The following CDK8 variants were observed in gnomAD, a reference collection of about 807,000 sequenced individuals.
CDK8 encodes the protein cyclin dependent kinase 8.
Under a neutral mutation model 71.5 loss-of-function variants are expected in CDK8, and 29 were observed. The observed-to-expected ratio is 0.41, with a 90% CI of 0.30 to 0.55. CDK8 has a LOEUF of 0.55. CDK8 is among the 20% of genes least tolerant of loss of function. The pLI is 0.37. For synonymous variants in CDK8, 161 were observed against 192.1 expected (o/e 0.84, Z 1.34); for missense variants, 288 against 572.6 (o/e 0.50, Z 5.07).
chr13:26,357,216 C>T (rs1330150706), intron 4 of CDK8, among the ~76,000 whole-genome samples: 3 of 152,078 alleles, frequency 2.0e-5, no homozygotes, highest in Non-Finnish European at 4.4e-5. Context: ...TAGCTGAAAT[C>T]CGGCATCCTT....
intron 1 of CDK8, among the ~76,000 whole-genome samples, chr13:26,310,805 A>G (rs997292183): frequency 3.3e-5 from 5 of 151,812 alleles, no homozygotes; most frequent in Admixed American, 1.3e-4. Flanking sequence ...CTCAGTTTCA[A>G]TTTTTTCTTC....
intron 1 of CDK8, among the ~76,000 whole-genome samples, chr13:26,301,619 T>C (rs1873827599): frequency 6.6e-6 from 1 of 152,224 alleles, no homozygotes; most frequent in South Asian, 2.1e-4. Flanking sequence ...CGTTAGAGCA[T>C]TAGTATCAAT....
intron 3 of CDK8, among the ~76,000 whole-genome samples, chr13:26,352,909 A>G (rs1873741712): frequency 1.3e-5 from 2 of 152,224 alleles, no homozygotes; most frequent in Non-Finnish European, 1.5e-5. Context: ...TTTCAAGAAC[A>G]TGCTTAATAT....
intron 4 of CDK8, among the ~76,000 whole-genome samples, chr13:26,377,656 A>C (rs996081572): frequency 2.0e-5 from 3 of 152,178 alleles, no homozygotes; most frequent in Non-Finnish European, 2.9e-5. Context: ...AGAGGTAAAA[A>C]ATTCATACCC....
chr13:26,309,815 T>A (rs548315296), intron 1 of CDK8, among the ~76,000 whole-genome samples: 1 of 152,248 alleles, frequency 6.6e-6, no homozygotes, highest in South Asian at 2.1e-4. Context: ...TGAGACAGAG[T>A]CTCGCTCTGT....
At chr13:26,305,086 C>T (rs558060516) in intron 1 of CDK8, among the ~76,000 whole-genome samples, 2 of 152,296 alleles carry the variant, frequency 1.3e-5, no homozygotes, top group African/African-American at 2.4e-5. Context: ...CCTGCATTAT[C>T]ATGCTTCCTT....
At chr13:26,361,784 CTTTTTTTTTTT>C (rs553508554) in intron 4 of CDK8, among the ~76,000 whole-genome samples, 12 of 63,344 alleles carry the variant, frequency 1.9e-4, no homozygotes, top group Admixed American at 1.0e-3. Context: ...TTTCTTTTCC[CTTTTTTTTTTT>C]TTTTTTTTTT....
intron 1 of CDK8, among the ~76,000 whole-genome samples, chr13:26,312,821 A>G (rs1009309490): frequency 1.3e-5 from 2 of 152,156 alleles, no homozygotes; most frequent in Non-Finnish European, 2.9e-5. Flanking sequence ...GAGTGTGTGC[A>G]TAGTACTGTA....
chr13:26,274,340 C>T (rs1287084585), intron 1 of CDK8, among the ~76,000 whole-genome samples: 1 of 151,894 alleles, frequency 6.6e-6, no homozygotes, highest in Non-Finnish European at 1.5e-5. Flanking sequence ...ATTTGTTTAA[C>T]ATTTAAATTT....
chr13:26,378,325 C>G (rs1324150171), intron 4 of CDK8, among the ~76,000 whole-genome samples: 1 of 152,140 alleles, frequency 6.6e-6, no homozygotes, highest in Admixed American at 6.5e-5. Context: ...GGTGCACTCT[C>G]CTCCAGCATG....
intron 6 of CDK8, among the ~76,000 whole-genome samples, chr13:26,385,758 T>C (rs1875447082): frequency 6.6e-6 from 1 of 152,026 alleles, no homozygotes; most frequent in South Asian, 2.1e-4. Flanking sequence ...AAATAAAAAA[T>C]AAAAGTAAGA....
In CDK8 at chr13:26,345,498, C is replaced by T. The variant is rs557056412; in HGVS notation, c.205-3574C>T. Among the ~76,000 whole-genome samples the T allele has an allele frequency of 8.7e-4, 133 of 152,214 alleles. 1 individual carries two copies. The highest frequency in any genetic ancestry group is 3.1e-3 in the African/African-American group (129 of 41,546). Reference sequence around the variant, plus strand: ...CCAGGCTCAAGCGATTCTCCTGCCTCACCCTCCCAAGTAGCTGGGATTACA... The same window carrying T: ...CCAGGCTCAAGCGATTCTCCTGCCTTACCCTCCCAAGTAGCTGGGATTACA... On this transcript the variant is annotated intron_variant, in intron 2 of 12. Coordinates refer to ENST00000381527, the MANE Select transcript of CDK8 (RefSeq NM_001260.3).
intron 5 of CDK8, among the ~76,000 whole-genome samples, chr13:26,383,589 T>A (rs533530284): frequency 6.6e-6 from 1 of 152,298 alleles, no homozygotes; most frequent in South Asian, 2.1e-4. Context: ...AATGTTTAAA[T>A]TGTATTAATT....
intron 8 of CDK8, among the ~76,000 whole-genome samples, chr13:26,396,868 T>C (rs949678964): frequency 2.6e-5 from 4 of 152,044 alleles, no homozygotes; most frequent in African/African-American, 9.7e-5. Flanking sequence ...AGATGTTATT[T>C]AAAATAATTG....
intron 1 of CDK8, among the ~76,000 whole-genome samples, chr13:26,313,857 G>A (rs1453834946): frequency 1.3e-5 from 2 of 152,104 alleles, no homozygotes; most frequent in East Asian, 1.9e-4. Context: ...ACAACAGGTC[G>A]GAGAACAGGG....
rs189864714 is a variant in CDK8 at position 26,373,597 on chromosome 13, C to T, written c.457-9217C>T. ...GTCTAACAACTAGAGAATAGTTTCA[C>T]TGAATTATGACACATAGAAAAGGTC... On this transcript the variant is annotated intron_variant, in intron 4 of 12. Coordinates refer to ENST00000381527, the MANE Select transcript of CDK8 (RefSeq NM_001260.3). Among the ~76,000 whole-genome samples, 13 of 152,118 alleles carry T rather than the reference C, an allele frequency of 8.5e-5. No homozygotes were observed. In the East Asian group the frequency reaches 1.9e-3, roughly 23 times the overall value.
intron 1 of CDK8, among the ~76,000 whole-genome samples, chr13:26,300,429 CTT>C (rs1349246442): frequency 7.2e-5 from 11 of 152,112 alleles, no homozygotes; most frequent in Admixed American, 6.6e-4. Context: ...CCATTTAAAA[CTT>C]ATGAATTGTT....
At chr13:26,370,919 A>G (rs1292037145) in intron 4 of CDK8, among the ~76,000 whole-genome samples, 1 of 152,172 alleles carries the variant, frequency 6.6e-6, no homozygotes, top group African/African-American at 2.4e-5. Context: ...TTGATTTTCT[A>G]TAAGAAATGT....
At chr13:26,288,127 T>A (rs1033077406) in intron 1 of CDK8, among the ~76,000 whole-genome samples, 12 of 152,072 alleles carry the variant, frequency 7.9e-5, no homozygotes, top group African/African-American at 2.9e-4. Context: ...CATGCCCGGC[T>A]AATTTTTTGT....
Sources: gnomAD v4.1 joint callset for allele counts (sites outside exome capture counted in the v4.1 genomes callset) on GRCh38, gnomAD v4.1.1 for gene constraint, MANE v1.5 for transcripts, NCBI Gene and HGNC (gene_info 2026-07-23, HGNC 2026-07-21) for gene names.